Variants in NELL1 observed in about 807,000 individuals in gnomAD.
The protein encoded by NELL1 is protein kinase C-binding protein NELL1.
A neutral mutation model predicts 107.4 loss-of-function variants in NELL1; 76 were observed. That is an observed-to-expected ratio of 0.71 (90% confidence interval 0.59 to 0.86). NELL1 has a LOEUF of 0.86. Ranked by LOEUF, NELL1 falls within the 40% of genes least tolerant of loss-of-function variation. The probability of loss-of-function intolerance (pLI) is 0.00; values close to 1 mark genes in which losing one functional copy is unlikely to be tolerated. For missense variants in NELL1, 1,024 were observed against 1,005.5 expected (o/e 1.02, Z -0.25); for synonymous variants, 353 against 341.2 (o/e 1.03, Z -0.38).
At chr11:20,937,750 C>T in intron 9 of NELL1, 36 bp from the exon 10 acceptor site, 1 of 1,528,690 alleles carries the variant, frequency 6.5e-7, no homozygotes, top group Admixed American at 1.7e-5. Context: ...TGTGGCACAG[C>T]AGGACTGTCT....
chr11:21,088,788 G>A (rs965486519), intron 12 of NELL1, among the ~76,000 whole-genome samples: 1 of 152,184 alleles, frequency 6.6e-6, no homozygotes, highest in Admixed American at 6.5e-5. Context: ...AACATAGGTA[G>A]AGTGAGACAT....
At chr11:21,175,348 G>A (rs1454012) in intron 13 of NELL1, among the ~76,000 whole-genome samples, 71,716 of 151,214 alleles carry the variant, frequency 0.47, 17,675 homozygotes, top group African/African-American at 0.55. Context: ...TTTCTAACTC[G>A]AGAGTCAATG....
chr11:21,099,835 T>C (rs558812067), intron 12 of NELL1, among the ~76,000 whole-genome samples: 91 of 152,294 alleles, frequency 6.0e-4, no homozygotes, highest in African/African-American at 2.2e-3. Context: ...TCTTGTCCTC[T>C]GAGTGAAAAG....
chr11:20,713,543 G>C (rs1295514484), intron 2 of NELL1, among the ~76,000 whole-genome samples: 1 of 152,060 alleles, frequency 6.6e-6, no homozygotes, highest in Non-Finnish European at 1.5e-5. Context: ...TCTTGCCCAG[G>C]TCATAAAGTT....
chr11:21,520,228 G>C lies in NELL1; in HGVS notation c.1646-14146G>C, dbSNP rs193269660. ...CAGAATTCAGTTCCTATCCTAGTAA[G>C]GGCATTCCAATAGTTTCTGAGGAAC... On this transcript the variant is annotated intron_variant, in intron 15 of 19. Transcript: ENST00000357134. 1.1e-3 allele frequency among the ~76,000 whole-genome samples: 175 copies of C among 152,232 alleles called. 1 individual carries two copies. The highest frequency in any genetic ancestry group is 2.4e-3 in the Admixed American group (36 of 15,294).
chr11:21,120,467 T>C (rs1200602431), intron 13 of NELL1, among the ~76,000 whole-genome samples: 1 of 152,104 alleles, frequency 6.6e-6, no homozygotes, highest in African/African-American at 2.4e-5. Context: ...TTGAGCAAAA[T>C]GGCAAATTTT....
At chr11:21,362,320 T>G (rs8181537) in intron 14 of NELL1, among the ~76,000 whole-genome samples, 41,495 of 151,864 alleles carry the variant, frequency 0.27, 7,160 homozygotes, top group Non-Finnish European at 0.38. Flanking sequence ...GTAGAGGGGG[T>G]CTGCAAAAGT....
chr11:20,912,398 T>G (rs574024274), intron 5 of NELL1, among the ~76,000 whole-genome samples: 1 of 152,256 alleles, frequency 6.6e-6, no homozygotes, highest in South Asian at 2.1e-4. Context: ...TGTCATAGAT[T>G]TTCATTATCA....
At chr11:20,767,158 A>G (rs148145137) in intron 2 of NELL1, among the ~76,000 whole-genome samples, 1 of 152,186 alleles carries the variant, frequency 6.6e-6, no homozygotes, top group Non-Finnish European at 1.5e-5. Flanking sequence ...GCTGACTTCA[A>G]GAATGAAGCT....
intron 14 of NELL1, among the ~76,000 whole-genome samples, chr11:21,244,195 C>A (rs1310735415): frequency 6.6e-6 from 1 of 152,076 alleles, no homozygotes; most frequent in Non-Finnish European, 1.5e-5. Flanking sequence ...AAGAACACAA[C>A]AAATCTATAG....
At chr11:21,337,791 T>TCTTTCTTTCTTTCTTTCTTTCTTG (rs1555006161) in intron 14 of NELL1, among the ~76,000 whole-genome samples, 1 of 109,552 alleles carries the variant, frequency 9.1e-6, no homozygotes, top group Non-Finnish European at 2.0e-5. Flanking sequence ...TTTCTTTCTT[T>TCTTTCTTTCTTTCTTTCTTTCTTG]CTTTCCTTCT....
intron 17 of NELL1, among the ~76,000 whole-genome samples, chr11:21,565,233 A>C (rs757094367): frequency 4.6e-5 from 7 of 151,908 alleles, no homozygotes; most frequent in Non-Finnish European, 1.0e-4. Context: ...AGAGGAACTT[A>C]TTGGTAGGTT....
rs56756579 is a variant in NELL1, at chr11:21,230,310, C to G, written c.1549+856C>G. Reference sequence around the variant, plus strand: ...ACAGTGAACACTTGGTCTTGTCCCCCCACTGTCCCTGGTGTTTAGATATTA... The same window carrying G: ...ACAGTGAACACTTGGTCTTGTCCCCGCACTGTCCCTGGTGTTTAGATATTA... On this transcript the variant is annotated intron_variant, in intron 14 of 19. Coordinates refer to ENST00000357134, the MANE Select transcript of NELL1 (RefSeq NM_006157.5). Among the ~76,000 whole-genome samples the G allele has an allele frequency of 4.2e-3, 638 of 152,194 alleles. 11 individuals are homozygous for G. The highest frequency in any genetic ancestry group is 0.03 in the East Asian group (156 of 5,164).
chr11:20,824,606 C>G (rs1312345182), intron 3 of NELL1, among the ~76,000 whole-genome samples: 1 of 151,200 alleles, frequency 6.6e-6, no homozygotes, highest in Non-Finnish European at 1.5e-5. Context: ...GTAATATGGA[C>G]AATGAAGTCG....
chr11:21,139,630 C>T (rs1350820794), intron 13 of NELL1, among the ~76,000 whole-genome samples: 10 of 152,186 alleles, frequency 6.6e-5, no homozygotes, highest in Admixed American at 2.6e-4. Context: ...ATATCCTAGA[C>T]ACTAGAATGG....
intron 14 of NELL1, among the ~76,000 whole-genome samples, chr11:21,323,704 T>C (rs1233624740): frequency 6.6e-6 from 1 of 152,162 alleles, no homozygotes; most frequent in Non-Finnish European, 1.5e-5. Flanking sequence ...CTTTGTCATG[T>C]TACCCTCTTT....
intron 14 of NELL1, among the ~76,000 whole-genome samples, chr11:21,277,095 A>G (rs1467298338): frequency 3.3e-5 from 5 of 151,674 alleles, no homozygotes; most frequent in Non-Finnish European, 7.4e-5. Flanking sequence ...AGAAACTACC[A>G]TCAGAGTGAA....
chr11:21,262,713 T>G (rs931774280), intron 14 of NELL1: 9 of 151,896 alleles, frequency 5.9e-5, no homozygotes, highest in Admixed American at 4.6e-4. Context: ...TTGTTTTAAA[T>G]TTCATGATGA....
At chr11:20,836,212 G>A (rs1848531663) in intron 3 of NELL1, among the ~76,000 whole-genome samples, 1 of 151,468 alleles carries the variant, frequency 6.6e-6, no homozygotes, top group Non-Finnish European at 1.5e-5. Flanking sequence ...TTTATCATTA[G>A]GGAAATGCTA....
Sources: gnomAD v4.1 joint callset for allele counts (sites outside exome capture counted in the v4.1 genomes callset) on GRCh38, gnomAD v4.1.1 for gene constraint, MANE v1.5 for transcripts, NCBI Gene and HGNC (gene_info 2026-07-23, HGNC 2026-07-21) for gene names.